HDGFL3: variants seen among roughly 807,000 people sequenced by gnomAD.
The protein encoded by HDGFL3 is HDGF like 3, also known as hepatoma-derived growth factor-related protein 3.
Under a neutral mutation model 27.6 loss-of-function variants are expected in HDGFL3, and 6 were observed. The ratio of observed to expected loss-of-function variants is 0.22; its 90% confidence interval spans 0.12 to 0.43. The LOEUF (loss-of-function observed/expected upper bound fraction) is 0.43. Ranked by LOEUF, HDGFL3 falls within the 20% of genes least tolerant of loss-of-function variation. HDGFL3 has a pLI of 1.00. For synonymous variants in HDGFL3, 88 were observed against 88.9 expected (o/e 0.99, Z 0.05); for missense variants, 207 against 250.1 (o/e 0.83, Z 1.16).
intron 5 of HDGFL3, among the ~76,000 whole-genome samples, chr15:83,145,751 T>C (rs2036875622): frequency 1.3e-5 from 2 of 152,090 alleles, no homozygotes; most frequent in African/African-American, 2.4e-5. Context: ...AATATCCACA[T>C]AGATTATCTT....
intron 3 of HDGFL3, chr15:83,121,817 G>A: frequency 1.2e-6 from 1 of 823,504 alleles, no homozygotes; most frequent in Non-Finnish European, 2.0e-6. Flanking sequence ...TTTGATTGAT[G>A]TACTTTACTA....
intron 2 of HDGFL3, among the ~76,000 whole-genome samples, chr15:83,161,749 G>C (rs2037104466): frequency 6.6e-6 from 1 of 152,006 alleles, no homozygotes; most frequent in Non-Finnish European, 1.5e-5. Flanking sequence ...AAACAACCCT[G>C]TTTTTTTCTG....
chr15:83,159,435 C>G (rs1345307869), intron 2 of HDGFL3, among the ~76,000 whole-genome samples: 1 of 152,158 alleles, frequency 6.6e-6, no homozygotes, highest in African/African-American at 2.4e-5. Flanking sequence ...ATGTGCCAGG[C>G]ACTATTCCAG....
rs1439700113 is a variant in HDGFL3 at position 83,133,342 on chromosome 15, A to G, written c.*5928T>C. On this transcript the variant is annotated 3_prime_UTR_variant, in exon 6 of 6. Transcript: ENST00000299633. ...TCACATGGACATATAACACTCTTTC[A>G]GTTCCTCCTTGTGGAACCACGATTA... 2.0e-5 allele frequency: 3 copies of G among 152,246 alleles called. No individual in the cohort carries two copies. Among genetic ancestry groups the G allele is most frequent in the Non-Finnish European group, 4.4e-5 (3 of 68,042 alleles). 9.4% of individuals were successfully genotyped at this position (152,246 alleles called of 1,614,324 possible).
chr15:83,127,608 G>A (rs1328492730), downstream of HDGFL3: 12 of 988,548 alleles, frequency 1.2e-5, no homozygotes, highest in South Asian at 1.8e-4. Flanking sequence ...TTGTTTTGCA[G>A]TTCTTCAGAA....
chr15:83,118,250 C>T (rs376768604), intron 3 of HDGFL3, among the ~76,000 whole-genome samples: 1 of 151,928 alleles, frequency 6.6e-6, no homozygotes, highest in African/African-American at 2.4e-5. Context: ...CACACACACA[C>T]ACACACACAC....
intron 4 of HDGFL3, among the ~76,000 whole-genome samples, chr15:83,157,193 G>A (rs550180810): frequency 1.3e-5 from 2 of 152,238 alleles, no homozygotes; most frequent in East Asian, 3.9e-4. Context: ...CAACTAAAAA[G>A]GTGGTATTTT....
rs2036233403 is a variant in HDGFL3 at position 83,131,342 on chromosome 15, G to A, written c.*7928C>T. On this transcript the variant is annotated 3_prime_UTR_variant, in exon 6 of 6. Transcript: ENST00000299633. The stretch of plus-strand genomic sequence containing the variant: ...AGTATAGGCCAATGGAAGAAATATT[G>A]AGTAGTGGCCAGGCGCAGTGGCTCA... The A allele has an allele frequency of 1.3e-5, 2 of 151,936 alleles. No individual in the cohort carries two copies. The highest frequency in any genetic ancestry group is 4.8e-5 in the African/African-American group (2 of 41,372). The allele number at this position is 151,936 out of a possible 1,614,324, so 9.4% of individuals were successfully genotyped here.
Position 83,129,784 on chromosome 15 carries a change from G to A in HDGFL3, c.*9486C>T, listed in dbSNP as rs913696997. 1 of 152,322 alleles carries A rather than the reference G, an allele frequency of 6.6e-6. No homozygotes were observed. The highest frequency in any genetic ancestry group is 2.4e-5 in the African/African-American group (1 of 41,448). 9.4% of individuals were successfully genotyped at this position (152,322 alleles called of 1,614,324 possible). A position where few individuals can be genotyped will look rare whatever the true frequency, so the allele number is the denominator to read the frequency against. On this transcript the variant is annotated 3_prime_UTR_variant, in exon 6 of 6. Coordinates refer to ENST00000299633, the MANE Select transcript of HDGFL3 (RefSeq NM_016073.4). ...GGGCCAAGTGGGGCTTTATTAGGCTGAGCCTCTCCAGGGAATAACCCAGGG... is the reference window on the plus strand; with the variant it reads ...GGGCCAAGTGGGGCTTTATTAGGCTAAGCCTCTCCAGGGAATAACCCAGGG...
chr15:83,115,541 G>A (rs2034579640), exon 4 of HDGFL3: 1 of 499,590 alleles, frequency 2.0e-6, no homozygotes, highest in Admixed American at 2.5e-5. Flanking sequence ...TAGGGGAGTG[G>A]AGGATGGGTG....
chr15:83,170,762 TATCA>T (rs2037235449), intron 1 of HDGFL3, among the ~76,000 whole-genome samples: 1 of 151,196 alleles, frequency 6.6e-6, no homozygotes, highest in African/African-American at 2.4e-5. Flanking sequence ...CAAAAGAAAC[TATCA>T]ACAGAGCAAA....
chr15:83,175,241 A>T (rs1454219907), intron 1 of HDGFL3, among the ~76,000 whole-genome samples: 1 of 152,184 alleles, frequency 6.6e-6, no homozygotes, highest in Non-Finnish European at 1.5e-5. Flanking sequence ...TGGAACAAAT[A>T]TTGTAAAAAA....
In HDGFL3 at chr15:83,136,324, C is replaced by A; in HGVS notation, c.*2946G>T. 1 of 487,494 alleles carries A rather than the reference C, an allele frequency of 2.1e-6. No individual in the cohort carries two copies. 30.2% of individuals were successfully genotyped at this position (487,494 alleles called of 1,614,324 possible). Reference sequence around the variant, plus strand: ...GACTAAATTTAATGAAAGACTCTGACATTAAAGACTCTGGATTGTTTGAAG... The same window carrying A: ...GACTAAATTTAATGAAAGACTCTGAAATTAAAGACTCTGGATTGTTTGAAG... On this transcript the variant is annotated 3_prime_UTR_variant, in exon 6 of 6. Transcript: ENST00000299633.
exon 4 of HDGFL3, chr15:83,112,836 C>A (rs2151336428): frequency 6.2e-7 from 1 of 1,614,132 alleles, no homozygotes. Flanking sequence ...TCATCCTGTT[C>A]CTGGTAGCAC....
At chr15:83,123,877 G>A (rs114547847), downstream of HDGFL3, among the ~76,000 whole-genome samples, 50 of 152,346 alleles carry the variant, frequency 3.3e-4, no homozygotes, top group African/African-American at 1.1e-3. Flanking sequence ...GGGCCAAGCA[G>A]GCATTGTCAT....
In HDGFL3 at chr15:83,127,774, G is replaced by A. The variant is rs746464492; in HGVS notation, c.*11496C>T. Reference sequence around the variant, plus strand: ...AGCATGTGGCATTGTTGTTTTATTGGACTGTTTCACAATCTCTGAATACCA... The same window carrying A: ...AGCATGTGGCATTGTTGTTTTATTGAACTGTTTCACAATCTCTGAATACCA... On this transcript the variant is annotated 3_prime_UTR_variant, in exon 6 of 6. Transcript: ENST00000299633. 3.2e-6 allele frequency: 1 copy of A among 315,872 alleles called. No homozygotes were observed. Among genetic ancestry groups the A allele is most frequent in the Non-Finnish European group, 6.0e-6 (1 of 167,396 alleles). 19.6% of individuals were successfully genotyped at this position (315,872 alleles called of 1,614,324 possible). A position where few individuals can be genotyped will look rare whatever the true frequency, so the allele number is the denominator to read the frequency against.
chr15:83,124,775 T>C, downstream of HDGFL3: 1 of 1,611,168 alleles, frequency 6.2e-7, no homozygotes, highest in Admixed American at 1.7e-5. Context: ...TTCAGAGGTT[T>C]GGTAAGCATA....
intron 1 of HDGFL3, among the ~76,000 whole-genome samples, chr15:83,196,299 A>C (rs536176664): frequency 3.3e-5 from 5 of 151,794 alleles, no homozygotes; most frequent in African/African-American, 1.2e-4. Flanking sequence ...CTTTCTTTTC[A>C]GGAATACAAA....
intron 1 of HDGFL3, among the ~76,000 whole-genome samples, chr15:83,193,232 TCAA>T (rs2037533315): frequency 1.3e-5 from 2 of 152,058 alleles, no homozygotes; most frequent in African/African-American, 4.8e-5. Context: ...GTCCTACAAC[TCAA>T]CAACAACCAC....
Sources: gnomAD v4.1 joint callset for allele counts (sites outside exome capture counted in the v4.1 genomes callset) on GRCh38, gnomAD v4.1.1 for gene constraint, MANE v1.5 for transcripts, NCBI Gene and HGNC (gene_info 2026-07-23, HGNC 2026-07-21) for gene names.